Variants in KRABD4 observed in about 807,000 individuals in gnomAD.
KRABD4 encodes the protein KRAB domain-containing protein 4.
At chrX:46,451,758 C>T in the KRABD4 span, among the ~76,000 whole-genome samples, 1 of 111,791 alleles carries the variant, frequency 8.9e-6, no homozygotes, top group African/African-American at 3.3e-5. Flanking sequence ...AGCCACTTAA[C>T]CTGAAATTTG....
chrX:46,462,741 A>G, the KRABD4 span: 248 of 1,209,183 alleles, frequency 2.1e-4, no homozygotes, highest in East Asian at 5.6e-4. Context: ...GGAATGTGCC[A>G]TTACAGGAAT....
the KRABD4 span, chrX:46,462,504 G>A: frequency 1.2e-4 from 43 of 367,193 alleles, no homozygotes; most frequent in East Asian, 1.4e-3. Flanking sequence ...AGCAAGACTC[G>A]GTCTCAAAAA....
At chrX:46,449,461 A>G in the KRABD4 span, among the ~76,000 whole-genome samples, 1 of 112,281 alleles carries the variant, frequency 8.9e-6, no homozygotes, top group Non-Finnish European at 1.9e-5. Context: ...TTTTTGTTTT[A>G]CTAGTGATAT....
At chrX:46,473,601 G>T in the KRABD4 span, 1 of 438,956 alleles carries the variant, frequency 2.3e-6, no homozygotes, top group Non-Finnish European at 3.8e-6. Context: ...TGAATAGTGT[G>T]ATGAAATTTT....
At chrX:46,452,059 C>T in the KRABD4 span, among the ~76,000 whole-genome samples, 117 of 112,182 alleles carry the variant, frequency 1.0e-3, no homozygotes, top group African/African-American at 3.6e-3. Flanking sequence ...ATCCTCCCAC[C>T]TCAGCCTCCC....
At chrX:46,450,207 A>G in the KRABD4 span, among the ~76,000 whole-genome samples, 1 of 112,414 alleles carries the variant, frequency 8.9e-6, no homozygotes, top group Non-Finnish European at 1.9e-5. Context: ...TTTCTAAAAT[A>G]GATATCTTTA....
chrX:46,455,090 T>C, the KRABD4 span: 36 of 468,286 alleles, frequency 7.7e-5, no homozygotes, highest in African/African-American at 2.5e-5. Flanking sequence ...TCTGAATTCA[T>C]TGATGGTTCT....
At chrX:46,473,074 G>A in the KRABD4 span, 9 of 1,202,189 alleles carry the variant, frequency 7.5e-6, no homozygotes, top group East Asian at 2.7e-4. Flanking sequence ...TCAACCTGCA[G>A]AGAGATTTTT....
the KRABD4 span, among the ~76,000 whole-genome samples, chrX:46,447,527 C>T: frequency 2.2e-4 from 24 of 111,284 alleles, no homozygotes; most frequent in African/African-American, 7.8e-4. Context: ...TCAGGACCCT[C>T]TGAGCCAGGA....
the KRABD4 span, chrX:46,455,314 C>A: frequency 1.7e-6 from 1 of 592,757 alleles, no homozygotes; most frequent in Non-Finnish European, 2.8e-6. Flanking sequence ...ATCATCCTTT[C>A]TGCAATCACT....
At chrX:46,458,586 A>G in the KRABD4 span, among the ~76,000 whole-genome samples, 1 of 112,507 alleles carries the variant, frequency 8.9e-6, no homozygotes, top group South Asian at 3.7e-4. Context: ...GAAAAGATAG[A>G]TAAGAGCCAC....
the KRABD4 span, chrX:46,455,248 G>T: frequency 1.3e-5 from 13 of 1,012,356 alleles, no homozygotes; most frequent in South Asian, 2.7e-4. Flanking sequence ...CACCCTCTTG[G>T]ATTCTTCATG....
At chrX:46,468,005 G>A in the KRABD4 span, among the ~76,000 whole-genome samples, 10 of 110,905 alleles carry the variant, frequency 9.0e-5, no homozygotes, top group South Asian at 3.8e-4. Context: ...CACCAACCCC[G>A]GGTAACAGAG....
chrX:46,463,460 T>C, the KRABD4 span: 34 of 533,609 alleles, frequency 6.4e-5, no homozygotes, highest in African/African-American at 6.6e-4. Flanking sequence ...GGCCTCTGCC[T>C]GGCCGCCGGT....
the KRABD4 span, among the ~76,000 whole-genome samples, chrX:46,451,993 T>C: frequency 8.9e-6 from 1 of 112,290 alleles, no homozygotes; most frequent in African/African-American, 3.2e-5. Context: ...TCCCCCAGGC[T>C]GAAGTGCCGT....
the KRABD4 span, chrX:46,472,787 G>A: frequency 2.5e-6 from 3 of 1,209,505 alleles, no homozygotes; most frequent in African/African-American, 5.2e-5. Context: ...ATCACTACAA[G>A]GAAAGCCAAG....
chrX:46,454,299 G>T, the KRABD4 span: 1 of 129,522 alleles, frequency 7.7e-6, no homozygotes. Context: ...AGGGGTAGTG[G>T]CCAGAACGCC....
chrX:46,471,289 A>G, the KRABD4 span: 3 of 844,453 alleles, frequency 3.6e-6, no homozygotes, highest in South Asian at 8.2e-5. Context: ...TTCTGAAGTC[A>G]TTGTCTGAAA....
the KRABD4 span, among the ~76,000 whole-genome samples, chrX:46,447,765 A>G: frequency 8.9e-6 from 1 of 112,003 alleles, no homozygotes; most frequent in African/African-American, 3.3e-5. Context: ...TGGCTTGACA[A>G]CCTGTCCAAA....
Sources: allele counts gnomAD v4.1 joint callset (sites outside exome capture counted in the v4.1 genomes callset), GRCh38; gene constraint gnomAD v4.1.1; transcripts MANE v1.5; gene names NCBI Gene and HGNC (gene_info 2026-07-23, HGNC 2026-07-21).